The following CPE variants were observed in gnomAD, a reference collection of about 807,000 sequenced individuals.
The protein encoded by CPE is carbocypeptidase E.
CPE carries 17 observed loss-of-function variants against 53.5 expected under a neutral mutation model. That is an observed-to-expected ratio of 0.32 (90% CI 0.22 to 0.48). The LOEUF is 0.48. Ranked by LOEUF, CPE falls within the 20% of genes least tolerant of loss-of-function variation. The pLI is 0.99. For synonymous variants in CPE, 226 were observed against 228.8 expected, an observed-to-expected ratio of 0.99 and a Z score of 0.11; for missense variants, 524 against 614.7, an observed-to-expected ratio of 0.85 and a Z score of 1.56.
At chr4:165,462,246 C>T (rs989899930) in intron 1 of CPE, among the ~76,000 whole-genome samples, 7 of 152,154 alleles carry the variant, frequency 4.6e-5, no homozygotes, top group Admixed American at 1.3e-4. Flanking sequence ...CATTCACATT[C>T]GAACACAAAA....
chr4:165,441,994 G>A (rs1360593044), intron 1 of CPE, among the ~76,000 whole-genome samples: 2 of 134,310 alleles, frequency 1.5e-5, no homozygotes, highest in East Asian at 2.2e-4. Flanking sequence ...TCCAGTTAAA[G>A]TTTCTTCCTA....
intron 1 of CPE, among the ~76,000 whole-genome samples, chr4:165,417,291 T>C (rs1025174902): frequency 4.6e-5 from 7 of 152,314 alleles, no homozygotes; most frequent in African/African-American, 1.7e-4. Flanking sequence ...ATGAAAATAT[T>C]TGGACTAAGT....
At chr4:165,425,800 G>C (rs1179590191) in intron 1 of CPE, among the ~76,000 whole-genome samples, 2 of 152,182 alleles carry the variant, frequency 1.3e-5, no homozygotes, top group East Asian at 3.8e-4. Context: ...GGGGAGAGTA[G>C]GGATGGAAAG....
intron 1 of CPE, among the ~76,000 whole-genome samples, chr4:165,384,187 C>G (rs923392026): frequency 2.6e-5 from 4 of 152,102 alleles, no homozygotes; most frequent in African/African-American, 9.7e-5. Context: ...AAATATATTC[C>G]ATAGAACATA....
chr4:165,393,604 T>C (rs1234970315), intron 1 of CPE, among the ~76,000 whole-genome samples: 1 of 152,170 alleles, frequency 6.6e-6, no homozygotes, highest in Non-Finnish European at 1.5e-5. Context: ...TGATACACAG[T>C]TGGACACTCT....
intron 1 of CPE, among the ~76,000 whole-genome samples, chr4:165,427,149 A>G (rs35352686): frequency 0.3 from 44,819 of 151,846 alleles, 6,677 homozygotes; most frequent in Middle Eastern, 0.39. Context: ...CAGCTGTGTA[A>G]CCTTTCTTAT....
At chr4:165,495,989 A>AGC (rs1282195489) in intron 8 of CPE, among the ~76,000 whole-genome samples, 2 of 152,328 alleles carry the variant, frequency 1.3e-5, no homozygotes, top group South Asian at 2.1e-4. Context: ...TTTAGCACCT[A>AGC]GCGCAGTGCC....
chr4:165,442,036 G>GTTTTTTTGTTTT (rs1731622704), intron 1 of CPE, among the ~76,000 whole-genome samples: 1 of 61,330 alleles, frequency 1.6e-5, no homozygotes. Flanking sequence ...TTTTTTTTTT[G>GTTTTTTTGTTTT]TTTTTTTTTT....
chr4:165,458,051 A>G (rs982511450), intron 1 of CPE, among the ~76,000 whole-genome samples: 1 of 152,210 alleles, frequency 6.6e-6, no homozygotes, highest in Non-Finnish European at 1.5e-5. Flanking sequence ...TTTACAGTCT[A>G]TAATAGGTTA....
chr4:165,429,023 C>T (rs1363065220), intron 1 of CPE, among the ~76,000 whole-genome samples: 1 of 152,180 alleles, frequency 6.6e-6, no homozygotes, highest in Admixed American at 6.5e-5. Context: ...TTCTGTTAAT[C>T]AATTGTGTCA....
intron 1 of CPE, among the ~76,000 whole-genome samples, chr4:165,424,361 CATA>C (rs755036465): frequency 1.5e-4 from 22 of 151,220 alleles, no homozygotes; most frequent in Non-Finnish European, 1.9e-4. Flanking sequence ...GTTATTTTCT[CATA>C]ATGTCTTAGG....
chr4:165,450,311 G>A (rs1444180846), intron 1 of CPE, among the ~76,000 whole-genome samples: 11 of 152,046 alleles, frequency 7.2e-5, no homozygotes, highest in African/African-American at 2.2e-4. Flanking sequence ...GATCTTATAT[G>A]CGATTTTGTC....
chr4:165,426,774 A>G (rs1222731239), intron 1 of CPE, among the ~76,000 whole-genome samples: 1 of 152,236 alleles, frequency 6.6e-6, no homozygotes, highest in Non-Finnish European at 1.5e-5. Flanking sequence ...ATACACTACA[A>G]TGTAGCAGTC....
At chr4:165,411,808 G>A (rs1289042815) in intron 1 of CPE, among the ~76,000 whole-genome samples, 1 of 152,106 alleles carries the variant, frequency 6.6e-6, no homozygotes, top group Non-Finnish European at 1.5e-5. Context: ...TAGTTTAGTG[G>A]ATTCTGGTTC....
In CPE at chr4:165,447,435, G is replaced by A. The variant is rs188483799; in HGVS notation, c.308-16955G>A. ...AAAATACAAAAATTAGCCAGGCGTG[G>A]TGGCGCATGCCTGTAATCCCAGCTA... On this transcript the variant is annotated intron_variant, in intron 1 of 8. Coordinates refer to ENST00000402744, the MANE Select transcript of CPE (RefSeq NM_001873.4). 3.8e-3 allele frequency among the ~76,000 whole-genome samples: 585 copies of A among 152,198 alleles called. 2 individuals are homozygous for A. The highest frequency in any genetic ancestry group is 6.2e-3 in the Non-Finnish European group (423 of 68,010).
At chr4:165,479,778 T>A (rs929425868) in intron 3 of CPE, among the ~76,000 whole-genome samples, 12 of 151,906 alleles carry the variant, frequency 7.9e-5, no homozygotes, top group Admixed American at 7.2e-4. Context: ...GATCACGAGG[T>A]CAGGAGATCG....
At chr4:165,435,609 G>A (rs1195288776) in intron 1 of CPE, among the ~76,000 whole-genome samples, 1 of 152,128 alleles carries the variant, frequency 6.6e-6, no homozygotes, top group African/African-American at 2.4e-5. Flanking sequence ...ATGTGCTTTT[G>A]TAGTTCTGTG....
intron 1 of CPE, among the ~76,000 whole-genome samples, chr4:165,433,413 G>C (rs1731444805): frequency 6.6e-6 from 1 of 152,158 alleles, no homozygotes. Flanking sequence ...CAGGAACTTA[G>C]TCCAAAATAA....
intron 1 of CPE, chr4:165,405,356 G>C (rs1730935811): frequency 1.4e-6 from 2 of 1,416,422 alleles, no homozygotes; most frequent in Admixed American, 3.4e-5. Context: ...CAAGGCCTTT[G>C]ATTCTTTGGT....
Sources: allele counts gnomAD v4.1 joint callset (sites outside exome capture counted in the v4.1 genomes callset), GRCh38; gene constraint gnomAD v4.1.1; transcripts MANE v1.5; gene names NCBI Gene and HGNC (gene_info 2026-07-23, HGNC 2026-07-21).